Variants in GRIP1 observed in about 807,000 individuals in gnomAD.
GRIP1 encodes glutamate receptor-interacting protein 1.
Under a neutral mutation model 129.9 loss-of-function variants are expected in GRIP1, and 45 were observed. The ratio of observed to expected loss-of-function variants is 0.35; its 90% CI spans 0.27 to 0.44. GRIP1 has a LOEUF of 0.44. Ranked by LOEUF, GRIP1 falls within the 20% of genes least tolerant of loss-of-function variation. The pLI, the probability that GRIP1 is intolerant of heterozygous loss-of-function variation, is 1.00. For missense variants in GRIP1, 1,196 were observed against 1,396.8 expected (o/e 0.86, Z 2.29); for synonymous variants, 530 against 520.8 (o/e 1.02, Z -0.24).
intron 2 of GRIP1, chr12:66,568,942 G>T: frequency 1.9e-6 from 1 of 523,022 alleles, no homozygotes; most frequent in Non-Finnish European, 3.9e-6. Flanking sequence ...GCTGATCACA[G>T]GTTCCCAGGG....
intron 1 of GRIP1, among the ~76,000 whole-genome samples, chr12:66,773,070 G>GT (rs973614715): frequency 2.0e-5 from 3 of 152,178 alleles, no homozygotes; most frequent in African/African-American, 7.2e-5. Context: ...TCAGTGATGG[G>GT]TAGGGGTCCA....
At chr12:66,858,309 G>C (rs943466093) in intron 1 of GRIP1, among the ~76,000 whole-genome samples, 2 of 151,718 alleles carry the variant, frequency 1.3e-5, no homozygotes, top group African/African-American at 2.4e-5. Flanking sequence ...CACTCTTACT[G>C]CTTCTTTGCA....
At chr12:66,513,293 T>G (rs1742007722) in intron 7 of GRIP1, among the ~76,000 whole-genome samples, 1 of 152,156 alleles carries the variant, frequency 6.6e-6, no homozygotes, top group African/African-American at 2.4e-5. Context: ...AAAAATATTT[T>G]GACTATTTTT....
intron 9 of GRIP1, among the ~76,000 whole-genome samples, chr12:66,460,010 T>G (rs558381818): frequency 6.6e-6 from 1 of 152,330 alleles, no homozygotes; most frequent in South Asian, 2.1e-4. Context: ...TGCTTTTTCA[T>G]GGATTAGCTC....
intron 1 of GRIP1, among the ~76,000 whole-genome samples, chr12:66,765,106 T>C (rs1248822729): frequency 2.0e-5 from 3 of 151,364 alleles, no homozygotes; most frequent in Non-Finnish European, 2.9e-5. Flanking sequence ...GATTTCCTTA[T>C]CTCACTAAAT....
intron 7 of GRIP1, among the ~76,000 whole-genome samples, chr12:66,482,257 G>A (rs2059827101): frequency 6.6e-6 from 1 of 152,160 alleles, no homozygotes. Context: ...AACAATAACT[G>A]TCAAGGGAAT....
upstream of GRIP1, among the ~76,000 whole-genome samples, chr12:66,807,751 A>C (rs2039023261): frequency 6.6e-6 from 1 of 151,932 alleles, no homozygotes; most frequent in Non-Finnish European, 1.5e-5. Context: ...CCATGACTGG[A>C]AGCTTCCTGA....
At chr12:66,675,506 A>G (rs2034285050) in intron 1 of GRIP1, among the ~76,000 whole-genome samples, 1 of 152,154 alleles carries the variant, frequency 6.6e-6, no homozygotes, top group African/African-American at 2.4e-5. Context: ...GGGAGCCATG[A>G]AAATATCTCC....
chr12:67,057,259 T>C (rs755838748), intron 1 of GRIP1, among the ~76,000 whole-genome samples: 23 of 152,192 alleles, frequency 1.5e-4, no homozygotes, highest in Admixed American at 3.3e-4. Flanking sequence ...ACAGGATTAG[T>C]GTCCTTATAA....
chr12:66,651,201 C>T (rs560212222), intron 1 of GRIP1, among the ~76,000 whole-genome samples: 4 of 152,120 alleles, frequency 2.6e-5, no homozygotes, highest in African/African-American at 4.8e-5. Flanking sequence ...ATATTAAGCA[C>T]CAAGAAAAGA....
chr12:66,671,364 G>A lies in GRIP1; in HGVS notation c.55+7486C>T, dbSNP rs541469681. Among the ~76,000 whole-genome samples, 6 of 152,128 alleles carry A rather than the reference G, an allele frequency of 3.9e-5. No individual in the cohort carries two copies. The South Asian group carries it at 1.2e-3, about 32-fold the overall frequency. On this transcript the variant is annotated intron_variant, in intron 1 of 24. Coordinates refer to ENST00000359742, the MANE Select transcript of GRIP1 (RefSeq NM_001366722.1). ...CGTGGTCTCACACTCACACTGTCTT[G>A]CCTGGTTCTAGAGTTCATCCCTCTT...
chr12:66,541,969 T>C lies in GRIP1; in HGVS notation c.137-19A>G, dbSNP rs2061795669. ...AATTCCTCTGTTAAAAGAAAAGCAT[T>C]TGCCTTATTAAAATGAGAGTAGAAT... On this transcript the variant is annotated intron_variant, in intron 2 of 24. Transcript: ENST00000359742. 1 of 1,612,378 alleles carries C rather than the reference T, an allele frequency of 6.2e-7. No homozygotes were observed. The highest frequency in any genetic ancestry group is 1.7e-5 in the Admixed American group (1 of 59,992).
chr12:66,405,961 T>C (rs983652293), intron 16 of GRIP1, among the ~76,000 whole-genome samples: 2 of 152,212 alleles, frequency 1.3e-5, no homozygotes, highest in Admixed American at 6.5e-5. Flanking sequence ...GTTATAGTTA[T>C]GCCATATGAA....
chr12:66,633,054 C>T (rs1372120609), intron 1 of GRIP1, among the ~76,000 whole-genome samples: 2 of 151,536 alleles, frequency 1.3e-5, no homozygotes, highest in Admixed American at 6.6e-5. Context: ...TCACTGTTGC[C>T]AAGGCTAGAG....
chr12:67,019,241 A>G (rs1204755175), intron 1 of GRIP1, among the ~76,000 whole-genome samples: 1 of 152,208 alleles, frequency 6.6e-6, no homozygotes, highest in Non-Finnish European at 1.5e-5. Context: ...CTACAGGAGA[A>G]ACAGGCAGTC....
At chr12:66,853,429 A>T (rs1167349804) in intron 1 of GRIP1, among the ~76,000 whole-genome samples, 1 of 152,134 alleles carries the variant, frequency 6.6e-6, no homozygotes, top group East Asian at 1.9e-4. Context: ...ACTGAACTTC[A>T]TTTTTGAAAA....
intron 23 of GRIP1, among the ~76,000 whole-genome samples, chr12:66,362,129 T>G (rs1334415858): frequency 2.0e-5 from 3 of 149,102 alleles, no homozygotes; most frequent in Non-Finnish European, 3.0e-5. Flanking sequence ...GGCTAGAGTG[T>G]TACCAATTTA....
chr12:66,997,945 A>C (rs1471902666), intron 1 of GRIP1, among the ~76,000 whole-genome samples: 3 of 152,162 alleles, frequency 2.0e-5, no homozygotes, highest in Non-Finnish European at 4.4e-5. Flanking sequence ...TCATGTGTTC[A>C]AAAAATTTCA....
intron 1 of GRIP1, among the ~76,000 whole-genome samples, chr12:66,945,833 GA>G (rs1396583271): frequency 1.3e-5 from 2 of 152,094 alleles, no homozygotes; most frequent in Non-Finnish European, 2.9e-5. Flanking sequence ...CACATCCTAT[GA>G]AAAAAATCCA....
Sources: gnomAD v4.1 joint callset for allele counts (sites outside exome capture counted in the v4.1 genomes callset) on GRCh38, gnomAD v4.1.1 for gene constraint, MANE v1.5 for transcripts, NCBI Gene and HGNC (gene_info 2026-07-23, HGNC 2026-07-21) for gene names.